DCT: variants seen among roughly 807,000 people sequenced by gnomAD.
DCT encodes the protein dopachrome tautomerase, also known as L-dopachrome tautomerase.
In DCT, 47 loss-of-function variants were observed where a neutral mutation model predicts 53.0. That is an observed-to-expected ratio of 0.89 (90% CI 0.70 to 1.13). The LOEUF is 1.13. Ranked by LOEUF, DCT falls within the 50% of genes most tolerant of loss-of-function variation. DCT has a pLI of 0.00. For synonymous variants in DCT, 244 were observed against 237.0 expected (o/e 1.03, Z -0.27); for missense variants, 669 against 637.4 (o/e 1.05, Z -0.53).
chr13:94,533,052 G>T, the DCT span, among the ~76,000 whole-genome samples: 1 of 151,376 alleles, frequency 6.6e-6, no homozygotes, highest in Non-Finnish European at 1.5e-5. Context: ...AATATTTACT[G>T]GAAATGTTTT....
chr13:94,526,517 C>A, the DCT span, among the ~76,000 whole-genome samples: 1 of 152,108 alleles, frequency 6.6e-6, no homozygotes, highest in African/African-American at 2.4e-5. Flanking sequence ...GCACTTGTAG[C>A]TACTCGGGAG....
upstream of DCT, among the ~76,000 whole-genome samples, chr13:94,482,140 G>A (rs1017870523): frequency 1.6e-4 from 24 of 152,212 alleles, no homozygotes; most frequent in Admixed American, 2.6e-4. Flanking sequence ...GTTGCCAAAC[G>A]TGCATGGTGA....
the DCT span, among the ~76,000 whole-genome samples, chr13:94,537,178 A>G: frequency 6.6e-6 from 1 of 152,238 alleles, no homozygotes; most frequent in Non-Finnish European, 1.5e-5. Flanking sequence ...TTATTAGGAC[A>G]TGTATCTATT....
chr13:94,485,871 C>T, the DCT span, among the ~76,000 whole-genome samples: 7 of 152,134 alleles, frequency 4.6e-5, no homozygotes, highest in African/African-American at 7.2e-5. Context: ...GTGATCTATA[C>T]GTTGTGAAGT....
chr13:94,459,188 T>C (rs1883615398), intron 6 of DCT, among the ~76,000 whole-genome samples: 1 of 152,178 alleles, frequency 6.6e-6, no homozygotes, highest in Non-Finnish European at 1.5e-5. Context: ...AGTTTTCTTC[T>C]TTTGTTTTAA....
intron 1 of DCT, among the ~76,000 whole-genome samples, chr13:94,470,320 A>C (rs1884560102): frequency 6.6e-6 from 1 of 152,178 alleles, no homozygotes. Context: ...AGCTGCACAA[A>C]GCTCCCTGCT....
the DCT span, among the ~76,000 whole-genome samples, chr13:94,507,253 C>T: frequency 7.2e-5 from 11 of 152,086 alleles, no homozygotes; most frequent in African/African-American, 2.7e-4. Flanking sequence ...AAAGTATTGA[C>T]ATAAGGAAAA....
At chr13:94,447,890 A>G (rs916274593) in intron 6 of DCT, among the ~76,000 whole-genome samples, 2 of 152,224 alleles carry the variant, frequency 1.3e-5, no homozygotes, top group Admixed American at 6.5e-5. Flanking sequence ...ATAAAAGAAT[A>G]GGGGAAAATA....
chr13:94,482,357 C>G (rs1393323114), upstream of DCT, among the ~76,000 whole-genome samples: 1 of 152,150 alleles, frequency 6.6e-6, no homozygotes, highest in East Asian at 1.9e-4. Flanking sequence ...TTCAAACATG[C>G]CCCCATTCAT....
chr13:94,492,490 A>G, the DCT span, among the ~76,000 whole-genome samples: 1 of 151,884 alleles, frequency 6.6e-6, no homozygotes, highest in Non-Finnish European at 1.5e-5. Context: ...TGGGGGCTTC[A>G]CTCCCTGCCT....
At chr13:94,541,056 A>C in the DCT span, among the ~76,000 whole-genome samples, 1 of 152,224 alleles carries the variant, frequency 6.6e-6, no homozygotes, top group Non-Finnish European at 1.5e-5. Flanking sequence ...CAAGCAACCC[A>C]TGTTTGCACT....
the DCT span, among the ~76,000 whole-genome samples, chr13:94,499,247 A>T: frequency 3.9e-5 from 6 of 152,088 alleles, no homozygotes; most frequent in Non-Finnish European, 8.8e-5. Flanking sequence ...CAGACACACC[A>T]TCTTTAAGAG....
At chr13:94,462,636 C>A (rs1594300940) in intron 4 of DCT, among the ~76,000 whole-genome samples, 1 of 109,374 alleles carries the variant, frequency 9.1e-6, no homozygotes, top group Admixed American at 8.4e-5. Context: ...CCAGAGTTAA[C>A]AATATGTGGT....
the DCT span, among the ~76,000 whole-genome samples, chr13:94,498,275 C>G: frequency 6.6e-6 from 1 of 152,186 alleles, no homozygotes; most frequent in Non-Finnish European, 1.5e-5. Flanking sequence ...CTCCTCAATC[C>G]CACAGTTAAA....
intron 6 of DCT, among the ~76,000 whole-genome samples, chr13:94,451,075 C>T (rs1392918388): frequency 6.6e-6 from 1 of 152,098 alleles, no homozygotes; most frequent in Non-Finnish European, 1.5e-5. Flanking sequence ...CCAGCCTAGT[C>T]CATAGAAACA....
the DCT span, among the ~76,000 whole-genome samples, chr13:94,488,310 G>A: frequency 6.6e-6 from 1 of 152,056 alleles, no homozygotes; most frequent in Admixed American, 6.5e-5. Flanking sequence ...TTTGTAAGAG[G>A]TTGTATGGGC....
chr13:94,481,464 C>T (rs558490754), upstream of DCT, among the ~76,000 whole-genome samples: 26 of 152,284 alleles, frequency 1.7e-4, no homozygotes, highest in Middle Eastern at 6.8e-3. Context: ...CATTGTGACA[C>T]TTGGGAATTT....
At chr13:94,487,003 T>C in the DCT span, among the ~76,000 whole-genome samples, 1 of 152,172 alleles carries the variant, frequency 6.6e-6, no homozygotes, top group Non-Finnish European at 1.5e-5. Context: ...TCAAGAAGAA[T>C]CCCTAAAAAT....
the DCT span, among the ~76,000 whole-genome samples, chr13:94,539,367 T>C: frequency 6.6e-6 from 1 of 152,168 alleles, no homozygotes; most frequent in Admixed American, 6.5e-5. Context: ...AAGGTGACGC[T>C]AAAGGAATAA....
Sources: gnomAD v4.1 joint callset for allele counts (sites outside exome capture counted in the v4.1 genomes callset) on GRCh38, gnomAD v4.1.1 for gene constraint, MANE v1.5 for transcripts, NCBI Gene and HGNC (gene_info 2026-07-23, HGNC 2026-07-21) for gene names.